The following SLC35F1 variants were observed in gnomAD, a reference collection of about 807,000 sequenced individuals.
SLC35F1 encodes the protein chromosome 6 open reading frame 169.
A neutral mutation model predicts 48.7 loss-of-function variants in SLC35F1; 14 were observed. The ratio of observed to expected loss-of-function variants is 0.29; its 90% CI spans 0.19 to 0.45. The LOEUF is 0.45. Ranked by LOEUF, SLC35F1 falls within the 20% of genes least tolerant of loss-of-function variation. The probability of loss-of-function intolerance (pLI) is 1.00; values close to 1 mark genes in which losing one functional copy is unlikely to be tolerated. For synonymous variants in SLC35F1, 190 were observed against 202.2 expected, an observed-to-expected ratio of 0.94 and a Z score of 0.51; for missense variants, 404 against 500.0, an observed-to-expected ratio of 0.81 and a Z score of 1.83.
intron 1 of SLC35F1, among the ~76,000 whole-genome samples, chr6:118,088,992 A>C (rs1442678432): frequency 1.3e-5 from 2 of 152,168 alleles, no homozygotes; most frequent in African/African-American, 4.8e-5. Flanking sequence ...CACATTGCAC[A>C]GTTGGGGGTC....
intron 2 of SLC35F1, among the ~76,000 whole-genome samples, chr6:118,174,569 T>C (rs1774458124): frequency 6.6e-6 from 1 of 152,100 alleles, no homozygotes; most frequent in South Asian, 2.1e-4. Flanking sequence ...CAATATTAAA[T>C]GATCCAACAT....
chr6:118,188,480 G>A (rs1774690358), intron 2 of SLC35F1, among the ~76,000 whole-genome samples: 1 of 151,902 alleles, frequency 6.6e-6, no homozygotes, highest in South Asian at 2.1e-4. Context: ...AACCTGGGAG[G>A]CAGAGGTTGC....
rs1554216692 is a variant in SLC35F1, at chr6:117,923,670, T to TATGTATATATACATATGTAC, written c.173+15773_173+15774insGTATATATACATATGTACAT. ...ACATATGTACATATGTATATATACA[T>TATGTATATATACATATGTAC]ATATGTACATATATACATATGTACA... is the stretch of plus-strand genomic sequence containing the variant. On this transcript the variant is annotated intron_variant, in intron 1 of 7. Coordinates refer to ENST00000360388, the MANE Select transcript of SLC35F1 (RefSeq NM_001029858.4). Among the ~76,000 whole-genome samples the TATGTATATATACATATGTAC allele has an allele frequency of 2.2e-4, 6 of 26,824 alleles. 2 individuals are homozygous for TATGTATATATACATATGTAC. Among genetic ancestry groups the TATGTATATATACATATGTAC allele is most frequent in the Non-Finnish European group, 3.6e-4 (6 of 16,540 alleles). 17.6% of individuals were successfully genotyped at this position (26,824 alleles called of 152,430 possible).
chr6:118,026,924 A>T (rs1164927322), intron 1 of SLC35F1, among the ~76,000 whole-genome samples: 1 of 152,170 alleles, frequency 6.6e-6, no homozygotes, highest in East Asian at 1.9e-4. Flanking sequence ...GTTAAGACAG[A>T]TAGTACATTT....
chr6:118,041,941 T>TC (rs1286129141), intron 1 of SLC35F1, among the ~76,000 whole-genome samples: 6 of 145,508 alleles, frequency 4.1e-5, no homozygotes, highest in East Asian at 2.0e-4. Context: ...CAGACCATCT[T>TC]CTTTAAAAAA....
chr6:118,122,534 G>A (rs1381857767), intron 1 of SLC35F1, among the ~76,000 whole-genome samples: 2 of 152,218 alleles, frequency 1.3e-5, no homozygotes. Context: ...GAAAAGCTTG[G>A]AAAATGAGAT....
At chr6:117,984,807 C>T (rs149100831) in intron 1 of SLC35F1, among the ~76,000 whole-genome samples, 4 of 152,226 alleles carry the variant, frequency 2.6e-5, no homozygotes, top group East Asian at 1.9e-4. Flanking sequence ...TCTACAGATG[C>T]GTAAACTGAG....
intron 7 of SLC35F1, among the ~76,000 whole-genome samples, chr6:118,299,009 T>G (rs576073553): frequency 2.0e-5 from 3 of 152,182 alleles, no homozygotes; most frequent in Admixed American, 2.0e-4. Flanking sequence ...ACCTCATCTC[T>G]ACAAACATAT....
At position 117,993,827 on chromosome 6, in the gene SLC35F1, G is replaced by A. The variant is rs186998572; in HGVS notation, c.173+85928G>A. ...GCTGTAAATAAAGGTGGCACAAAGG[G>A]CAGGCAGCTCCAGCTCTGGGGCAAG... On this transcript the variant is annotated intron_variant, in intron 1 of 7. Coordinates refer to ENST00000360388, the MANE Select transcript of SLC35F1 (RefSeq NM_001029858.4). 5.4e-3 allele frequency among the ~76,000 whole-genome samples: 823 copies of A among 152,298 alleles called. 7 individuals are homozygous for A. Among genetic ancestry groups the A allele is most frequent in the Non-Finnish European group, 6.4e-3 (435 of 68,026 alleles).
chr6:117,928,339 G>A (rs544049277), intron 1 of SLC35F1, among the ~76,000 whole-genome samples: 8 of 152,000 alleles, frequency 5.3e-5, no homozygotes, highest in African/African-American at 9.7e-5. Flanking sequence ...TTTAGCTTCC[G>A]CAGTCTGAAT....
At chr6:118,144,587 TAA>T (rs59175140) in intron 1 of SLC35F1, among the ~76,000 whole-genome samples, 1 of 137,938 alleles carries the variant, frequency 7.2e-6, no homozygotes. Flanking sequence ...TCCCAGAACT[TAA>T]AAAAAAAAAA....
intron 7 of SLC35F1, among the ~76,000 whole-genome samples, chr6:118,288,215 AC>A (rs1197986533): frequency 6.6e-6 from 1 of 152,118 alleles, no homozygotes; most frequent in Admixed American, 6.5e-5. Flanking sequence ...AGCCCAGTTA[AC>A]CCCTGTGAGC....
chr6:118,156,757 G>A (rs1774150586), intron 2 of SLC35F1, among the ~76,000 whole-genome samples: 1 of 152,108 alleles, frequency 6.6e-6, no homozygotes, highest in Admixed American at 6.5e-5. Flanking sequence ...AGGGCTTCCA[G>A]CTTATAGGTG....
At chr6:117,994,936 C>A (rs372269486) in intron 1 of SLC35F1, among the ~76,000 whole-genome samples, 1 of 152,140 alleles carries the variant, frequency 6.6e-6, no homozygotes, top group Non-Finnish European at 1.5e-5. Flanking sequence ...AATGCCAATG[C>A]CTTATCACTC....
intron 2 of SLC35F1, among the ~76,000 whole-genome samples, chr6:118,172,125 A>G (rs1774414564): frequency 6.6e-6 from 1 of 151,976 alleles, no homozygotes; most frequent in Non-Finnish European, 1.5e-5. Context: ...AGAGTACTTG[A>G]GTCAGTTTAG....
At chr6:118,212,729 A>G (rs867399275) in intron 2 of SLC35F1, among the ~76,000 whole-genome samples, 1 of 33,506 alleles carries the variant, frequency 3.0e-5, no homozygotes, top group Non-Finnish European at 5.7e-5. Context: ...AAGGAAGGAA[A>G]GGAAGGAAGG....
intron 1 of SLC35F1, among the ~76,000 whole-genome samples, chr6:117,967,680 GA>G (rs1297439424): frequency 6.6e-6 from 1 of 152,132 alleles, no homozygotes; most frequent in Non-Finnish European, 1.5e-5. Flanking sequence ...AAGCCATTGA[GA>G]GCAAAAAGAT....
intron 4 of SLC35F1, among the ~76,000 whole-genome samples, chr6:118,274,466 G>C (rs553326472): frequency 6.6e-6 from 1 of 152,016 alleles, no homozygotes; most frequent in East Asian, 1.9e-4. Flanking sequence ...GCATGATCTC[G>C]GCTCACTGAA....
intron 2 of SLC35F1, among the ~76,000 whole-genome samples, chr6:118,185,648 T>C (rs910420960): frequency 1.6e-4 from 24 of 152,110 alleles, no homozygotes; most frequent in African/African-American, 5.8e-4. Flanking sequence ...CAACAGTGAA[T>C]CTTCGTGACT....
Sources: allele counts gnomAD v4.1 joint callset (sites outside exome capture counted in the v4.1 genomes callset), GRCh38; gene constraint gnomAD v4.1.1; transcripts MANE v1.5; gene names NCBI Gene and HGNC (gene_info 2026-07-23, HGNC 2026-07-21).